Variants in UBE2K observed in about 807,000 individuals in gnomAD.
UBE2K encodes ubiquitin-conjugating enzyme E2 K.
In UBE2K, 6 loss-of-function variants were observed where a neutral mutation model predicts 30.0. The ratio of observed to expected loss-of-function variants is 0.20; its 90% CI spans 0.11 to 0.39. UBE2K has a LOEUF of 0.39. Among genes scored for constraint, UBE2K ranks in the 10% least tolerant of loss-of-function variants. UBE2K has a pLI of 1.00. For missense variants in UBE2K, 61 were observed against 241.6 expected (o/e 0.25, Z 4.96); for synonymous variants, 86 against 83.7 (o/e 1.03, Z -0.15).
At chr4:39,728,442 C>T (rs1342446658) in intron 1 of UBE2K, among the ~76,000 whole-genome samples, 10 of 152,084 alleles carry the variant, frequency 6.6e-5, no homozygotes, top group African/African-American at 2.4e-4. Context: ...ACCACTGTAC[C>T]TCCTGTCTGG....
intron 1 of UBE2K, among the ~76,000 whole-genome samples, chr4:39,726,274 G>A (rs570562339): frequency 2.6e-5 from 4 of 152,318 alleles, no homozygotes; most frequent in African/African-American, 9.6e-5. Context: ...GGGATTACAG[G>A]CGTGAGCCAT....
intron 1 of UBE2K, among the ~76,000 whole-genome samples, chr4:39,718,851 C>T (rs184131026): frequency 3.9e-5 from 6 of 152,380 alleles, no homozygotes; most frequent in African/African-American, 9.6e-5. Context: ...CTGCAAACGC[C>T]GTGCGCAGCC....
At chr4:39,736,581 C>T (rs1007683903) in intron 1 of UBE2K, among the ~76,000 whole-genome samples, 17 of 152,178 alleles carry the variant, frequency 1.1e-4, no homozygotes, top group African/African-American at 4.1e-4. Flanking sequence ...CTGGCAGGCA[C>T]TTACGAATGT....
intron 1 of UBE2K, among the ~76,000 whole-genome samples, chr4:39,709,521 C>A (rs1390444310): frequency 6.6e-6 from 1 of 152,054 alleles, no homozygotes; most frequent in African/African-American, 2.4e-5. Context: ...ACGTAACTTT[C>A]ATTACAATAT....
intron 5 of UBE2K, among the ~76,000 whole-genome samples, chr4:39,776,341 G>A (rs1218751982): frequency 6.6e-6 from 1 of 152,088 alleles, no homozygotes; most frequent in East Asian, 1.9e-4. Flanking sequence ...CAACTGCTCT[G>A]ATAGATCTCC....
At chr4:39,755,291 G>A (rs754839301) in intron 3 of UBE2K, among the ~76,000 whole-genome samples, 1 of 152,130 alleles carries the variant, frequency 6.6e-6, no homozygotes, top group Non-Finnish European at 1.5e-5. Context: ...CTCACATGAA[G>A]AAAAGTGCCA....
intron 1 of UBE2K, among the ~76,000 whole-genome samples, chr4:39,732,770 G>A (rs1396500801): frequency 1.4e-5 from 2 of 147,498 alleles, no homozygotes; most frequent in Non-Finnish European, 3.0e-5. Flanking sequence ...CTGCCTCCCG[G>A]GTTCAAGCAA....
intron 2 of UBE2K, among the ~76,000 whole-genome samples, chr4:39,745,073 C>T (rs1050074579): frequency 5.9e-5 from 9 of 152,020 alleles, no homozygotes; most frequent in African/African-American, 2.2e-4. Context: ...ATTGAGCAGG[C>T]TCTACTCAAA....
At chr4:39,777,269 G>A (rs999381252) in intron 5 of UBE2K, among the ~76,000 whole-genome samples, 1 of 152,112 alleles carries the variant, frequency 6.6e-6, no homozygotes, top group African/African-American at 2.4e-5. Flanking sequence ...CCTGGGCTGT[G>A]GGTAATACAA....
chr4:39,766,781 G>A (rs1011350063), intron 4 of UBE2K, among the ~76,000 whole-genome samples: 1 of 151,658 alleles, frequency 6.6e-6, no homozygotes, highest in African/African-American at 2.4e-5. Context: ...ACAGAGTCTC[G>A]CTCTGTCGCC....
intron 1 of UBE2K, among the ~76,000 whole-genome samples, chr4:39,734,130 G>A (rs1720225117): frequency 7.6e-6 from 1 of 132,188 alleles, no homozygotes; most frequent in Non-Finnish European, 1.6e-5. Flanking sequence ...TTTTGAGACA[G>A]AGTCTCACTG....
chr4:39,738,421 C>G (rs1369745110), intron 2 of UBE2K, among the ~76,000 whole-genome samples: 1 of 152,196 alleles, frequency 6.6e-6, no homozygotes, highest in Non-Finnish European at 1.5e-5. Flanking sequence ...TCTTCAAAGC[C>G]TGTGCTTTTA....
In UBE2K at chr4:39,755,861, A is replaced by T. The variant is rs113266161; in HGVS notation, c.299+122A>T. 9.1e-6 allele frequency: 4 copies of T among 440,864 alleles called. No homozygotes were observed. The South Asian group carries it at 1.1e-4, about 12-fold the overall frequency. 27.3% of individuals were successfully genotyped at this position (440,864 alleles called of 1,614,324 possible). Reference sequence around the variant, plus strand: ...TTATCTTGTTTGGGCAGTAACTTTAAAAGTCTCTTAAGTGCATAACTGAAA... The same window carrying T: ...TTATCTTGTTTGGGCAGTAACTTTATAAGTCTCTTAAGTGCATAACTGAAA... On this transcript the variant is annotated intron_variant, in intron 4 of 6. Coordinates refer to ENST00000261427, the MANE Select transcript of UBE2K (RefSeq NM_005339.5).
At chr4:39,745,245 G>C (rs1018455603) in intron 2 of UBE2K, among the ~76,000 whole-genome samples, 7 of 152,196 alleles carry the variant, frequency 4.6e-5, no homozygotes, top group African/African-American at 1.7e-4. Flanking sequence ...ATTTAATTTA[G>C]GGCACAAATG....
chr4:39,724,824 A>G (rs1214589497), intron 1 of UBE2K, among the ~76,000 whole-genome samples: 1 of 151,856 alleles, frequency 6.6e-6, no homozygotes, highest in Non-Finnish European at 1.5e-5. Context: ...ACTGAGATAC[A>G]TAAGCCTTTA....
intron 1 of UBE2K, among the ~76,000 whole-genome samples, chr4:39,728,818 G>GTTTTTTTTTTT (rs150967559): frequency 9.2e-5 from 12 of 130,004 alleles, no homozygotes; most frequent in African/African-American, 3.2e-4. Context: ...GGTTTTTTTT[G>GTTTTTTTTTTT]TTTTTTTTGT....
intron 4 of UBE2K, among the ~76,000 whole-genome samples, chr4:39,762,936 CTTTTTTTTTTT>C (rs869207095): frequency 1.0e-4 from 8 of 78,690 alleles, no homozygotes; most frequent in South Asian, 5.6e-4. Context: ...CCAAAAAACA[CTTTTTTTTTTT>C]TTTTTTTTTT....
intron 1 of UBE2K, among the ~76,000 whole-genome samples, chr4:39,728,622 CTTTCCTTT>C (rs962595703): frequency 6.6e-6 from 1 of 150,714 alleles, no homozygotes; most frequent in Non-Finnish European, 1.5e-5. Context: ...TTCCTCCTGC[CTTTCCTTT>C]TTTCCTTTTT....
rs554695744 is a variant in UBE2K, at chr4:39,781,615, T to C, written c.*3181T>C. ...TCCTATGTAGCAAAATAGGAAATTA[T>C]GAATTTTTGTTGTTATTGTTTTAAA... is the stretch of plus-strand genomic sequence containing the variant. On this transcript the variant is annotated 3_prime_UTR_variant, in exon 7 of 7. Transcript: ENST00000261427. The C allele has an allele frequency of 4.0e-5, 10 of 252,804 alleles. No individual in the cohort carries two copies. Among genetic ancestry groups the C allele is most frequent in the African/African-American group, 6.6e-5 (3 of 45,368 alleles). 15.7% of individuals were successfully genotyped at this position (252,804 alleles called of 1,614,324 possible). A position where few individuals can be genotyped will look rare whatever the true frequency, so the allele number is the denominator to read the frequency against.
Sources: allele counts gnomAD v4.1 joint callset (sites outside exome capture counted in the v4.1 genomes callset), GRCh38; gene constraint gnomAD v4.1.1; transcripts MANE v1.5; gene names NCBI Gene and HGNC (gene_info 2026-07-23, HGNC 2026-07-21).